Variants in PRR14L observed in about 807,000 individuals in gnomAD.
PRR14L encodes protein PRR14L.
A neutral mutation model predicts 155.0 loss-of-function variants in PRR14L; 80 were observed. The observed-to-expected ratio is 0.52, with a 90% CI of 0.43 to 0.62. PRR14L has a LOEUF of 0.62. Among genes scored for constraint, PRR14L ranks in the 20% least tolerant of loss-of-function variants. The pLI is 0.00. For missense variants in PRR14L, 2,469 were observed against 2,548.0 expected (o/e 0.97, Z 0.67); for synonymous variants, 883 against 916.0 (o/e 0.96, Z 0.65).
At chr22:31,724,006 GC>G (rs1469482372) in intron 3 of PRR14L, among the ~76,000 whole-genome samples, 14 of 152,134 alleles carry the variant, frequency 9.2e-5, no homozygotes, top group Non-Finnish European at 1.9e-4. Flanking sequence ...CCTGAGCTCC[GC>G]CTCCTGCCAG....
intron 3 of PRR14L, among the ~76,000 whole-genome samples, chr22:31,719,692 T>C (rs2147867102): frequency 6.6e-6 from 1 of 152,108 alleles, no homozygotes; most frequent in Non-Finnish European, 1.5e-5. Context: ...GAAAGAGCCC[T>C]GACTGTGAAG....
In PRR14L at chr22:31,714,389, G is replaced by A. The variant is rs1303238726; in HGVS notation, c.3450C>T (p.Asp1150=). The A allele has an allele frequency of 1.3e-6, 2 of 1,551,702 alleles. No homozygotes were observed. Among genetic ancestry groups the A allele is most frequent in the Non-Finnish European group, 1.7e-6 (2 of 1,146,996 alleles). ...CAGACTCCATCTCATGGGCACAAGAGTCTGGACACTTTTCCATTTCACAGT... is the reference window on the plus strand; with the variant it reads ...CAGACTCCATCTCATGGGCACAAGAATCTGGACACTTTTCCATTTCACAGT... ...LKDCEMEKCP[D]SCAHEMESVA... The change falls in exon 4 of 9, where the codon GAC becomes GAT. Residue 1150 remains aspartate, a synonymous_variant. Transcript: ENST00000327423.
intron 7 of PRR14L, among the ~76,000 whole-genome samples, chr22:31,688,564 A>G (rs969216877): frequency 2.0e-5 from 3 of 152,168 alleles, no homozygotes; most frequent in African/African-American, 4.8e-5. Flanking sequence ...CATGCAAACA[A>G]TATGTACTGG....
intron 4 of PRR14L, among the ~76,000 whole-genome samples, chr22:31,709,978 T>C (rs548910070): frequency 8.6e-5 from 13 of 151,764 alleles, no homozygotes; most frequent in Admixed American, 7.2e-4. Context: ...TCTAGCTCTG[T>C]TGCCTAGGCT....
Position 31,714,230 on chromosome 22 carries a change from T to G in PRR14L, c.3609A>C (p.Glu1203Asp), listed in dbSNP as rs1332778211. The stretch of plus-strand genomic sequence containing the variant: ...TTTCTTTGCCAAACTCAGAGTTTGG[T>G]TCTAGTCTTGATCCTTCAGTCATTT... ...TQEMTEGSRL[E>D]PNSEFGKEST... The change falls in exon 4 of 9, where the codon GAA becomes GAC. Residue 1203 changes from glutamate (E) to aspartate (D), a missense_variant. Physicochemically the swap from Glu to Asp is conservative, Grantham distance 45. Coordinates refer to ENST00000327423, the MANE Select transcript of PRR14L (RefSeq NM_173566.3). 1 of 1,551,580 alleles carries G rather than the reference T, an allele frequency of 6.4e-7. No homozygotes were observed. Among genetic ancestry groups the G allele is most frequent in the Non-Finnish European group, 8.7e-7 (1 of 1,146,910 alleles).
In PRR14L at chr22:31,687,283, G is replaced by A. The variant is rs186287284; in HGVS notation, c.6179+873C>T. On this transcript the variant is annotated intron_variant, in intron 8 of 8. Transcript: ENST00000327423. ...ACTCCTGACCTCAGGTGATTTGCCC[G>A]CCTTGGCCTCCCAAAGTGCTTGAAT... Among the ~76,000 whole-genome samples, 126 of 151,302 alleles carry A rather than the reference G, an allele frequency of 8.3e-4. 1 individual carries two copies. The highest frequency in any genetic ancestry group is 1.3e-3 in the Non-Finnish European group (91 of 67,828).
At chr22:31,728,843 A>C (rs1054489185) in intron 2 of PRR14L, among the ~76,000 whole-genome samples, 1 of 152,188 alleles carries the variant, frequency 6.6e-6, no homozygotes, top group African/African-American at 2.4e-5. Context: ...TATGGGGAAA[A>C]AAATATGTAA....
intron 7 of PRR14L, among the ~76,000 whole-genome samples, chr22:31,692,148 G>A (rs1336599966): frequency 1.3e-5 from 2 of 152,136 alleles, no homozygotes; most frequent in African/African-American, 2.4e-5. Context: ...GATTACAGGC[G>A]TGAGCCACCG....
intron 2 of PRR14L, among the ~76,000 whole-genome samples, chr22:31,731,439 G>A (rs1204093995): frequency 2.6e-5 from 4 of 151,778 alleles, no homozygotes; most frequent in African/African-American, 9.7e-5. Context: ...CTGGTGGTAT[G>A]AGCCTGTAGT....
intron 2 of PRR14L, among the ~76,000 whole-genome samples, chr22:31,726,208 G>A (rs131238): frequency 6.6e-6 from 1 of 151,804 alleles, no homozygotes; most frequent in Non-Finnish European, 1.5e-5. Context: ...TCAGCTCACT[G>A]CAACTTCTGC....
At chr22:31,697,839 T>A (rs1294868017) in intron 7 of PRR14L, among the ~76,000 whole-genome samples, 1 of 152,074 alleles carries the variant, frequency 6.6e-6, no homozygotes. Flanking sequence ...GCGTCTACAC[T>A]CCAGCCTGAG....
In PRR14L at chr22:31,683,290, A is replaced by C. The variant is rs1019551209; in HGVS notation, c.*2237T>G. The C allele has an allele frequency of 1.3e-5, 2 of 152,084 alleles. No homozygotes were observed. Among genetic ancestry groups the C allele is most frequent in the African/African-American group, 4.8e-5 (2 of 41,368 alleles). The allele number at this position is 152,084 out of a possible 1,614,324, so 9.4% of individuals were successfully genotyped here. The stretch of plus-strand genomic sequence containing the variant: ...GCTGTGCCCACTGTTGTCTCTGGGA[A>C]ACATAGCCGCCACATCACTGCATCT... On this transcript the variant is annotated 3_prime_UTR_variant, in exon 9 of 9. Transcript: ENST00000327423.
intron 2 of PRR14L, among the ~76,000 whole-genome samples, chr22:31,737,269 T>G (rs895611998): frequency 6.6e-6 from 1 of 150,858 alleles, no homozygotes; most frequent in Non-Finnish European, 1.5e-5. Context: ...TCACCTGAGG[T>G]CAGGGGTTCT....
intron 2 of PRR14L, among the ~76,000 whole-genome samples, chr22:31,729,335 C>T (rs1019357655): frequency 3.9e-5 from 6 of 151,996 alleles, no homozygotes; most frequent in Non-Finnish European, 8.8e-5. Context: ...CCTCAGCCTC[C>T]GGAGTAGCTG....
intron 4 of PRR14L, among the ~76,000 whole-genome samples, chr22:31,711,262 CAGG>C (rs2074619819): frequency 6.6e-6 from 1 of 152,064 alleles, no homozygotes; most frequent in Non-Finnish European, 1.5e-5. Context: ...CACCGGACGC[CAGG>C]AGTTCAAGAC....
chr22:31,706,154 A>T (rs1847710801), intron 4 of PRR14L, among the ~76,000 whole-genome samples: 1 of 152,014 alleles, frequency 6.6e-6, no homozygotes, highest in Non-Finnish European at 1.5e-5. Flanking sequence ...CAACACGATG[A>T]AACCCTGTCT....
At chr22:31,703,425 G>T (rs1420047313) in intron 6 of PRR14L, 125 bp downstream of exon 6, 3 of 881,540 alleles carry the variant, frequency 3.4e-6, no homozygotes, top group Non-Finnish European at 5.2e-6. Context: ...TCCAGAACTC[G>T]GCTGACACTG....
At chr22:31,731,624 G>C (rs1357915393) in intron 2 of PRR14L, among the ~76,000 whole-genome samples, 5 of 149,734 alleles carry the variant, frequency 3.3e-5, no homozygotes, top group Non-Finnish European at 5.9e-5. Flanking sequence ...TTCATGTTTG[G>C]GTCAGGGTTC....
At chr22:31,702,911 G>A (rs1401464091) in intron 6 of PRR14L, among the ~76,000 whole-genome samples, 2 of 151,756 alleles carry the variant, frequency 1.3e-5, no homozygotes, top group Admixed American at 1.3e-4. Flanking sequence ...TGCCTCCCGG[G>A]CTCAAGCAAT....
Sources: gnomAD v4.1 joint callset for allele counts (sites outside exome capture counted in the v4.1 genomes callset) on GRCh38, gnomAD v4.1.1 for gene constraint, MANE v1.5 for transcripts, NCBI Gene and HGNC (gene_info 2026-07-23, HGNC 2026-07-21) for gene names.